AGRN: variants seen among roughly 807,000 people sequenced by gnomAD.
AGRN encodes agrin proteoglycan.
In AGRN, 106 loss-of-function variants were observed where a neutral mutation model predicts 211.0. The ratio of observed to expected loss-of-function variants is 0.50; its 90% CI spans 0.43 to 0.59. AGRN has a LOEUF of 0.59. Ranked by LOEUF, AGRN falls within the 20% of genes least tolerant of loss-of-function variation. AGRN has a pLI of 0.00. For synonymous variants in AGRN, 1,525 were observed against 1,332.5 expected (o/e 1.14, Z -3.15); for missense variants, 3,040 against 2,982.6 (o/e 1.02, Z -0.45).
At chr1:1,038,007 C>T (rs1432980577) in intron 3 of AGRN, among the ~76,000 whole-genome samples, 6 of 152,064 alleles carry the variant, frequency 3.9e-5, no homozygotes, top group Non-Finnish European at 7.4e-5. Flanking sequence ...GCAGTGTGAG[C>T]GGAGAATGGG....
At chr1:1,033,256 T>C (rs1295336139) in intron 2 of AGRN, among the ~76,000 whole-genome samples, 3 of 151,926 alleles carry the variant, frequency 2.0e-5, no homozygotes, top group East Asian at 1.9e-4. Flanking sequence ...CGAGGCGATT[T>C]CTGGGCCGCT....
intron 2 of AGRN, among the ~76,000 whole-genome samples, chr1:1,026,271 TG>T (rs988532798): frequency 3.9e-5 from 6 of 152,042 alleles, no homozygotes; most frequent in Non-Finnish European, 7.4e-5. Context: ...TGGGTGGTGG[TG>T]GGGATGGCAC....
rs771632175 is a variant in AGRN, at chr1:1,043,672, C to T, written c.1738C>T (p.Leu580=). Residue 580 remains leucine (L), a synonymous_variant, in exon 9 of 36, where the codon CTG becomes TTG. Transcript: ENST00000379370. ...GCACACGTACCCCAGCGAGTGCATG[C>T]TGCACGTGCACGCCTGCACACACCA... is the stretch of plus-strand genomic sequence containing the variant. ...DGHTYPSECM[L]HVHACTHQIS... 1 of 1,601,114 alleles carries T rather than the reference C, an allele frequency of 6.2e-7. No homozygotes were observed. Among genetic ancestry groups the T allele is most frequent in the Non-Finnish European group, 8.5e-7 (1 of 1,179,748 alleles).
At position 1,048,676 on chromosome 1, in the gene AGRN, A is replaced by G; in HGVS notation, c.4106-191A>G. 1.5e-6 allele frequency: 1 copy of G among 686,608 alleles called. No individual in the cohort carries two copies. The highest frequency in any genetic ancestry group is 2.4e-6 in the Non-Finnish European group (1 of 423,442). 42.5% of individuals were successfully genotyped at this position (686,608 alleles called of 1,614,324 possible). A position where few individuals can be genotyped will look rare whatever the true frequency, so the allele number is the denominator to read the frequency against. On this transcript the variant is annotated intron_variant, in intron 23 of 35. Transcript: ENST00000379370. The surrounding 1 kb of genome is among the most constrained non-coding windows in gnomAD (Gnocchi z 5.9). Reference sequence around the variant, plus strand: ...TCCCACCTCGTGAGGCTGAGGCAGGAGAATCGCTTGAACCTGGCAGGCGGA... The same window carrying G: ...TCCCACCTCGTGAGGCTGAGGCAGGGGAATCGCTTGAACCTGGCAGGCGGA...
Position 1,048,246 on chromosome 1 carries a change from C to T in AGRN, c.3986C>T (p.Pro1329Leu), listed in dbSNP as rs1645160227. ...CGTCGGCCCCCGGCCCCCCAGCAGC[C>T]TCCAAAGCCCTGTGACTCACAGCCC... is the stretch of plus-strand genomic sequence containing the variant. Reference protein sequence around the residue: ...PGRRPPAPQQPPKPCDSQPCF... With the variant: ...PGRRPPAPQQLPKPCDSQPCF... The change falls in exon 23 of 36, where the codon CCT (proline) becomes CTT (leucine). Residue 1329 changes from proline to leucine, a missense_variant. By Grantham distance (98) the Pro-to-Leu change is moderately conservative. This residue lies in a region of AGRN where 1,537 missense variants were observed against 1,505.0 expected (regional missense o/e 1.02). Coordinates refer to ENST00000379370, the MANE Select transcript of AGRN (RefSeq NM_198576.4). The surrounding 1 kb of genome is among the most constrained non-coding windows in gnomAD (Gnocchi z 5.9). 4 of 1,542,150 alleles carry T rather than the reference C, an allele frequency of 2.6e-6. No homozygotes were observed. In the African/African-American group the frequency reaches 4.1e-5, roughly 16 times the overall value.
Position 1,045,155 on chromosome 1 carries a change from C to G in AGRN, c.2255-6C>G. ...TGAAATCTGAGTCCCGTACCCTTTC[C>G]TGCAGGCCCCACCTTCGCCCCGCTG... On this transcript the variant is annotated splice_region_variant and splice_polypyrimidine_tract_variant and intron_variant, in intron 12 of 35. Transcript: ENST00000379370. 6 of 1,611,758 alleles carry G rather than the reference C, an allele frequency of 3.7e-6. No individual in the cohort carries two copies. The highest frequency in any genetic ancestry group is 5.1e-6 in the Non-Finnish European group (6 of 1,179,738).
rs771426298 is a variant in AGRN, at chr1:1,041,708, C to T, written c.1177+6C>T. The T allele has an allele frequency of 1.9e-6, 3 of 1,603,776 alleles. No individual in the cohort carries two copies. The highest frequency in any genetic ancestry group is 2.2e-5 in the East Asian group (1 of 44,532). On this transcript the variant is annotated splice_donor_region_variant and intron_variant, in intron 6 of 35. Coordinates refer to ENST00000379370, the MANE Select transcript of AGRN (RefSeq NM_198576.4). ...CGGCCAGTGCCAGGGTCGAGGTGAG[C>T]GGCTCCCCCGGGGGAGGGCTCCGGC...
chr1:1,053,216 T>G, intron 33 of AGRN: 1 of 307,688 alleles, frequency 3.3e-6, no homozygotes, highest in Non-Finnish European at 6.0e-6. Flanking sequence ...GGTGTCTGCA[T>G]GTGGGTGTCT....
chr1:1,040,897 C>T lies in AGRN; in HGVS notation c.727+17C>T. On this transcript the variant is annotated intron_variant, in intron 4 of 35. Transcript: ENST00000379370. The stretch of plus-strand genomic sequence containing the variant: ...GGCCGTGCGGTGAGCGGGGCGGGGC[C>T]GGTGCCTGGGGCGGGGAGGGGCGGG... 1 of 1,260,150 alleles carries T rather than the reference C, an allele frequency of 7.9e-7. No homozygotes were observed. The highest frequency in any genetic ancestry group is 1.0e-6 in the Non-Finnish European group (1 of 957,976). 78.1% of individuals were successfully genotyped at this position (1,260,150 alleles called of 1,614,324 possible).
In AGRN at chr1:1,048,186, G is replaced by A. The variant is rs199680125; in HGVS notation, c.3926G>A (p.Arg1309Gln). The stretch of plus-strand genomic sequence containing the variant: ...ACCACGGCAGCCCCCACCACACGTC[G>A]GCCCCCCACCACTGCCCCCAGCCGT... ...AKTTAAPTTR[R>Q]PPTTAPSRVP... Residue 1309 changes from arginine (R) to glutamine (Q), a missense_variant, in exon 23 of 36, where the codon CGG (arginine) becomes CAG (glutamine). Transcript: ENST00000379370. The surrounding 1 kb of genome is among the most constrained non-coding windows in gnomAD (Gnocchi z 5.9). 2.4e-4 allele frequency: 383 copies of A among 1,569,432 alleles called. 1 individual carries two copies. The African/African-American group carries it at 4.4e-3, about 18-fold the overall frequency.
chr1:1,023,780 C>T lies in AGRN; in HGVS notation c.463+1318C>T, dbSNP rs1039687554. Among the ~76,000 whole-genome samples, 17 of 152,290 alleles carry T rather than the reference C, an allele frequency of 1.1e-4. No individual in the cohort carries two copies. The South Asian group carries it at 3.1e-3, about 28-fold the overall frequency. ...ACGAGGCTCTGCATCTTACCGAAGC[C>T]GCTCTACGGGTGCCAGGCACTGGCT... On this transcript the variant is annotated intron_variant, in intron 2 of 35. Coordinates refer to ENST00000379370, the MANE Select transcript of AGRN (RefSeq NM_198576.4).
At chr1:1,033,246 C>G (rs1171405014) in intron 2 of AGRN, among the ~76,000 whole-genome samples, 1 of 152,044 alleles carries the variant, frequency 6.6e-6, no homozygotes, top group African/African-American at 2.4e-5. Flanking sequence ...GGAAAGTGGG[C>G]GAGGCGATTT....
chr1:1,041,362 A>G lies in AGRN; in HGVS notation c.917A>G (p.Gln306Arg). The G allele has an allele frequency of 1.3e-6, 2 of 1,536,532 alleles. No homozygotes were observed. Among genetic ancestry groups the G allele is most frequent in the Non-Finnish European group, 8.7e-7 (1 of 1,148,370 alleles). ...CTCCTGCGCCGCGCCTGCGCCCGCC[A>G]GGAGAATGTCTTCAAGAAGTTCGAC... Reference protein sequence around the residue: ...CQLLRRACARQENVFKKFDGP... With the variant: ...CQLLRRACARRENVFKKFDGP... Residue 306 changes from glutamine (Q) to arginine (R), a missense_variant, in exon 5 of 36, where the codon CAG becomes CGG. This residue lies in a region of AGRN where 1,498 missense variants were observed against 1,457.8 expected (regional missense o/e 1.03). Transcript: ENST00000379370.
rs372556198 is a variant in AGRN at position 1,051,354 on chromosome 1, C to G, written c.5355C>G (p.Asp1785Glu). The change falls in exon 31 of 36, where the codon GAC (aspartate) becomes GAG (glutamate). Residue 1785 changes from aspartate (D) to glutamate (E), a missense_variant. Transcript: ENST00000379370. ...CTGCTGCCGTGTCCTCTGGCTTCGA[C>G]GGTGCCATCCAGCTGGTATGTGGGG... ...ARAAAVSSGF[D>E]GAIQLVSLGG... is the part of the protein sequence containing the mutation. The G allele has an allele frequency of 1.2e-5, 18 of 1,514,490 alleles. No homozygotes were observed. Among genetic ancestry groups the G allele is most frequent in the Non-Finnish European group, 1.5e-5 (17 of 1,125,916 alleles). The allele number at this position is 1,514,490 out of a possible 1,614,324, so 93.8% of individuals were successfully genotyped here.
Position 1,048,136 on chromosome 1 carries a change from TCA to T in AGRN, c.3881_3882del (p.Thr1294LysfsTer40), listed in dbSNP as rs1645155345. The T allele has an allele frequency of 6.4e-7, 1 of 1,572,540 alleles. No individual in the cohort carries two copies. Among genetic ancestry groups the T allele is most frequent in the Non-Finnish European group, 8.6e-7 (1 of 1,166,804 alleles). On this transcript the variant is annotated frameshift_variant, in exon 23 of 36. Coordinates refer to ENST00000379370, the MANE Select transcript of AGRN (RefSeq NM_198576.4). LOFTEE classifies it high-confidence loss of function. This position sits in a 1 kb window ranked among gnomAD's most constrained non-coding sequence, Gnocchi z 5.9. ...AVTPRAPHPS[H>X]TSQPVAKTTA... ...TGACCCCTCGGGCCCCGCACCCCAGTCACACAAGCCAGCCCGTTGCCAAGACC... is the reference window on the plus strand; with the variant it reads ...TGACCCCTCGGGCCCCGCACCCCAGTCACAAGCCAGCCCGTTGCCAAGACC...
chr1:1,054,384 T>G (rs1389509691), intron 34 of AGRN, 64 bp from the exon 35 acceptor site: 3 of 1,395,310 alleles, frequency 2.2e-6, no homozygotes, highest in Non-Finnish European at 3.0e-6. Context: ...ATGCAGGGCT[T>G]ATGGTCTAGA....
intron 2 of AGRN, among the ~76,000 whole-genome samples, chr1:1,025,806 T>C (rs1289385560): frequency 6.6e-6 from 1 of 150,386 alleles, no homozygotes. Context: ...TGGTAGGAAG[T>C]TGGGGCCCCA....
At position 1,049,270 on chromosome 1, in the gene AGRN, A is replaced by G; in HGVS notation, c.4333A>G (p.Ser1445Gly). ...AGGTTCGGGGCCGGCGGTGCTGACC[A>G]GTGCCGTGCCGGTAGAGCCGGGCCA... ...DTGSGPAVLT[S>G]AVPVEPGQWH... The change falls in exon 25 of 36, where the codon AGT (serine) becomes GGT (glycine). Residue 1445 changes from serine to glycine, a missense_variant. By Grantham distance (56) the Ser-to-Gly change is moderately conservative. This residue lies in a region of AGRN where 1,537 missense variants were observed against 1,505.0 expected (regional missense o/e 1.02). Transcript: ENST00000379370. The G allele has an allele frequency of 6.3e-7, 1 of 1,594,182 alleles. No homozygotes were observed. The highest frequency in any genetic ancestry group is 8.5e-7 in the Non-Finnish European group (1 of 1,177,462).
intron 33 of AGRN, chr1:1,052,034 C>G (rs967814427): frequency 6.6e-7 from 1 of 1,507,122 alleles, no homozygotes; most frequent in Middle Eastern, 1.7e-4. Context: ...GAGCTCGGCG[C>G]CCCCCGCTCC....
Sources: allele counts gnomAD v4.1 joint callset (sites outside exome capture counted in the v4.1 genomes callset), GRCh38; gene constraint gnomAD v4.1.1; regional missense constraint gnomAD v4.1.1; non-coding constraint Gnocchi (gnomAD v3.1); transcripts MANE v1.5; gene names NCBI Gene and HGNC (gene_info 2026-07-23, HGNC 2026-07-21).